Variants in RFWD3 observed in about 807,000 individuals in gnomAD.
RFWD3 encodes ring finger and WD repeat domain 3.
In RFWD3, 65 loss-of-function variants were observed where a neutral mutation model predicts 87.7. The ratio of observed to expected loss-of-function variants is 0.74; its 90% confidence interval spans 0.61 to 0.91. RFWD3 has a LOEUF of 0.91. RFWD3 is among the 40% of genes least tolerant of loss of function. The probability of loss-of-function intolerance (pLI) is 0.00; values close to 1 mark genes in which losing one functional copy is unlikely to be tolerated. For synonymous variants in RFWD3, 433 were observed against 352.8 expected, an observed-to-expected ratio of 1.23 and a Z score of -2.55; for missense variants, 1,078 against 938.5, an observed-to-expected ratio of 1.15 and a Z score of -1.94.
intron 3 of RFWD3, 89 bp downstream of exon 3, chr16:74,651,831 G>A: frequency 8.5e-7 from 1 of 1,170,372 alleles, no homozygotes; most frequent in Non-Finnish European, 1.2e-6. Flanking sequence ...AAGGGAAAGT[G>A]TCAAAGCACA....
rs56803461 is a variant in RFWD3, at chr16:74,643,669, G to GCTTTTTTTTTTTTTTTTTTTTTTTTTTTT, written c.1079+692_1079+693insAAAAAAAAAAAAAAAAAAAAAAAAAAAAG. Among the ~76,000 whole-genome samples, 2 of 105,054 alleles carry GCTTTTTTTTTTTTTTTTTTTTTTTTTTTT rather than the reference G, an allele frequency of 1.9e-5. 1 individual carries two copies. 68.9% of individuals were successfully genotyped at this position (105,054 alleles called of 152,430 possible). A position where few individuals can be genotyped will look rare whatever the true frequency, so the allele number is the denominator to read the frequency against. On this transcript the variant is annotated intron_variant, in intron 6 of 12. Transcript: ENST00000361070. ...ATACTGAGTGGTGTTACTAGCAACT[G>GCTTTTTTTTTTTTTTTTTTTTTTTTTTTT]TTTTTTTTTTTTTTTTTTTTTTTTG...
intron 6 of RFWD3, chr16:74,644,064 G>A (rs1419537545): frequency 2.3e-6 from 1 of 441,088 alleles, no homozygotes; most frequent in South Asian, 2.6e-5. Flanking sequence ...TTTCTGTATG[G>A]AGAACTGCTG....
chr16:74,631,204 C>A (rs1159881856), intron 9 of RFWD3, among the ~76,000 whole-genome samples: 3 of 152,128 alleles, frequency 2.0e-5, no homozygotes, highest in African/African-American at 4.8e-5. Context: ...ATTAAAAGGG[C>A]TGGACATGGT....
At position 74,635,298 on chromosome 16, in the gene RFWD3, AT is replaced by A. The variant is rs1459507303; in HGVS notation, c.1426+1047del. 2.9e-3 allele frequency among the ~76,000 whole-genome samples: 442 copies of A among 151,838 alleles called. 4 individuals carry two copies. The highest frequency in any genetic ancestry group is 0.01 in the African/African-American group (432 of 41,410). On this transcript the variant is annotated intron_variant, in intron 8 of 12. Transcript: ENST00000361070. ...ACTCCATCTCAAAAAAATAAAAAAA[AT>A]AAAAAATAAAAAAAAAAATTAACTA...
At chr16:74,661,670 T>C (rs1961453645) in intron 1 of RFWD3, among the ~76,000 whole-genome samples, 1 of 152,196 alleles carries the variant, frequency 6.6e-6, no homozygotes, top group African/African-American at 2.4e-5. Context: ...CGGTTTGCCC[T>C]TAGAAAACAT....
chr16:74,655,547 G>C (rs1007884375), intron 2 of RFWD3, among the ~76,000 whole-genome samples: 4 of 148,850 alleles, frequency 2.7e-5, no homozygotes, highest in African/African-American at 9.9e-5. Flanking sequence ...ATGCCCAGCT[G>C]AAGCCGATGC....
At chr16:74,653,309 C>A (rs1288937194) in intron 2 of RFWD3, among the ~76,000 whole-genome samples, 2 of 151,776 alleles carry the variant, frequency 1.3e-5, no homozygotes, top group Non-Finnish European at 2.9e-5. Flanking sequence ...CATACTCCAG[C>A]CTGGGTATCA....
intron 4 of RFWD3, among the ~76,000 whole-genome samples, chr16:74,646,539 G>T (rs1273748780): frequency 6.6e-6 from 1 of 152,178 alleles, no homozygotes; most frequent in Non-Finnish European, 1.5e-5. Flanking sequence ...TGTAATCCTA[G>T]CACTTTGGGA....
In RFWD3 at chr16:74,626,343, C is replaced by T; in HGVS notation, c.2181G>A (p.Leu727=). 6.2e-7 allele frequency: 1 copy of T among 1,613,158 alleles called. No homozygotes were observed. Among genetic ancestry groups the T allele is most frequent in the South Asian group, 1.1e-5 (1 of 91,062 alleles). The part of the protein sequence containing the change: ...CTGDEAANSA[L]LWDAASGSLL... ...GAAAGTAAAAAAGTAACAGGCTCAC[C>T]AGGGCAGAATTTGCTGCTTCATCCC... The change falls in exon 12 of 13, where the codon CTG becomes CTA. Residue 727 remains leucine (L), a splice_region_variant and synonymous_variant. Coordinates refer to ENST00000361070, the MANE Select transcript of RFWD3 (RefSeq NM_018124.4).
chr16:74,664,167 T>C (rs1597464321), intron 1 of RFWD3, among the ~76,000 whole-genome samples: 1 of 152,224 alleles, frequency 6.6e-6, no homozygotes, highest in Non-Finnish European at 1.5e-5. Context: ...CCTAGGCTGG[T>C]CTTCAACTCC....
At chr16:74,639,777 G>C (rs1004939570) in intron 6 of RFWD3, among the ~76,000 whole-genome samples, 1 of 152,134 alleles carries the variant, frequency 6.6e-6, no homozygotes, top group Non-Finnish European at 1.5e-5. Context: ...ATAAATTATA[G>C]CTTGGAATAT....
chr16:74,624,625 G>A (rs756687213), intron 12 of RFWD3, among the ~76,000 whole-genome samples: 1 of 152,316 alleles, frequency 6.6e-6, no homozygotes, highest in East Asian at 1.9e-4. Flanking sequence ...TAGAACTCCT[G>A]ACCTCAGGTG....
At chr16:74,639,716 CA>C (rs1312416402) in intron 6 of RFWD3, among the ~76,000 whole-genome samples, 1 of 151,784 alleles carries the variant, frequency 6.6e-6, no homozygotes, top group African/African-American at 2.4e-5. Flanking sequence ...CCAAAAATAG[CA>C]AAAAAATACT....
chr16:74,636,019 TCAAA>T (rs1393111330), intron 8 of RFWD3, among the ~76,000 whole-genome samples: 1 of 152,234 alleles, frequency 6.6e-6, no homozygotes, highest in African/African-American at 2.4e-5. Flanking sequence ...CTGTGTTTTG[TCAAA>T]CATTTCCAGT....
rs764224311 is a variant in RFWD3 at position 74,622,985 on chromosome 16, T to C, written c.*943A>G. ...GTTCTTCTCATGTTTTCAATAGCAG[T>C]CTGAATAGCTTTTGTAAATTCTCTT... is the stretch of plus-strand genomic sequence containing the variant. On this transcript the variant is annotated 3_prime_UTR_variant, in exon 13 of 13. Transcript: ENST00000361070. 2 of 152,204 alleles carry C rather than the reference T, an allele frequency of 1.3e-5. No homozygotes were observed. The highest frequency in any genetic ancestry group is 2.9e-5 in the Non-Finnish European group (2 of 68,028). 9.4% of individuals were successfully genotyped at this position (152,204 alleles called of 1,614,324 possible). A position where few individuals can be genotyped will look rare whatever the true frequency, so the allele number is the denominator to read the frequency against.
chr16:74,647,859 T>C lies in RFWD3; in HGVS notation c.792+1273A>G, dbSNP rs1265567647. Among the ~76,000 whole-genome samples the C allele has an allele frequency of 2.0e-5, 3 of 152,224 alleles. No individual in the cohort carries two copies. In the East Asian group the frequency reaches 5.8e-4, roughly 29 times the overall value. On this transcript the variant is annotated intron_variant, in intron 4 of 12. Transcript: ENST00000361070. ...CGCCCGCCTTGGCCTCCAACAGTGC[T>C]GGGATTATAGGCATGGGCCACCGCG...
rs117357621 is a variant in RFWD3 at position 74,623,885 on chromosome 16, A to G, written c.*43T>C. On this transcript the variant is annotated 3_prime_UTR_variant, in exon 13 of 13. Coordinates refer to ENST00000361070, the MANE Select transcript of RFWD3 (RefSeq NM_018124.4). ...TTGGGGCTGCTAGGCGCTAGCAAAC[A>G]ACATCTAACCAGCAGCATGCCTTCA... 0.02 allele frequency: 31,339 copies of G among 1,606,124 alleles called. 370 individuals carry two copies. The highest frequency in any genetic ancestry group is 0.022 in the Non-Finnish European group (26,203 of 1,174,344).
At chr16:74,624,156 A>G in intron 12 of RFWD3, 85 bp from the exon 13 acceptor site, 1 of 1,475,374 alleles carries the variant, frequency 6.8e-7, no homozygotes. Context: ...CAAGTCTGAA[A>G]GGCTGCAGAG....
At chr16:74,642,685 G>A (rs1959765196) in intron 6 of RFWD3, among the ~76,000 whole-genome samples, 1 of 151,984 alleles carries the variant, frequency 6.6e-6, no homozygotes, top group Admixed American at 6.6e-5. Context: ...TAGAAACAAG[G>A]TCTCACAATG....
Sources: allele counts gnomAD v4.1 joint callset (sites outside exome capture counted in the v4.1 genomes callset), GRCh38; gene constraint gnomAD v4.1.1; transcripts MANE v1.5; gene names NCBI Gene and HGNC (gene_info 2026-07-23, HGNC 2026-07-21).